Variants in TTN observed in about 807,000 individuals in gnomAD.
TTN encodes connectin.
Under a neutral mutation model 3,223.0 loss-of-function variants are expected in TTN, and 1,525 were observed. That is an observed-to-expected ratio of 0.47 (90% CI 0.45 to 0.49). The LOEUF (loss-of-function observed/expected upper bound fraction) is 0.49. TTN is among the 20% of genes least tolerant of loss of function. The probability of loss-of-function intolerance (pLI) is 0.00; values close to 1 mark genes in which losing one functional copy is unlikely to be tolerated. For missense variants in TTN, 40,786 were observed against 43,424.0 expected (o/e 0.94, Z 5.40); for synonymous variants, 14,094 against 15,161.0 (o/e 0.93, Z 5.17).
In TTN at chr2:178,592,092, C is replaced by T. The variant is rs755204306; in HGVS notation, c.59812G>A (p.Ala19938Thr). 58 of 1,612,832 alleles carry T rather than the reference C, an allele frequency of 3.6e-5. No homozygotes were observed. Among genetic ancestry groups the T allele is most frequent in the East Asian group, 3.6e-4 (16 of 44,622 alleles). ...SATSKKKSHF[A>T]KHLNEGNQYL... The stretch of plus-strand genomic sequence containing the variant: ...TGGTTGCCTTCATTCAGATGCTTAG[C>T]GAAGTGACTCTTTTTCTTTGATGTA... Residue 19938 changes from alanine to threonine, a missense_variant, in exon 302 of 363, where the codon GCT becomes ACT. Ala to Thr is a moderately conservative substitution (Grantham distance 58). Coordinates refer to ENST00000589042, the MANE Select transcript of TTN (RefSeq NM_001267550.2).
chr2:178,617,820 G>A lies in TTN; in HGVS notation c.47531C>T (p.Pro15844Leu), dbSNP rs774050002. ...RAQNRIGVGK[P>L]SAATPFVKVA... ...TTTGACGAAGGGTGTGGCTGCACTT[G>A]GTTTTCCAACTCCAATTCGATTTTG... Residue 15844 changes from proline to leucine, a missense_variant, in exon 253 of 363, where the codon CCA becomes CTA. By Grantham distance (98) the Pro-to-Leu change is moderately conservative (BLOSUM62 -3). Coordinates refer to ENST00000589042, the MANE Select transcript of TTN (RefSeq NM_001267550.2). 1 of 1,612,460 alleles carries A rather than the reference G, an allele frequency of 6.2e-7. No individual in the cohort carries two copies. The highest frequency in any genetic ancestry group is 8.5e-7 in the Non-Finnish European group (1 of 1,179,032).
intron 223 of TTN, 98 bp downstream of exon 223, chr2:178,639,601 T>A: frequency 8.3e-7 from 1 of 1,201,694 alleles, no homozygotes; most frequent in Non-Finnish European, 1.2e-6. Flanking sequence ...ATGATACCTA[T>A]GTTGCAGCAT....
chr2:178,594,076 T>C lies in TTN; in HGVS notation c.58317A>G (p.Pro19439=). Residue 19439 remains proline, a synonymous_variant, in exon 297 of 363, where the codon CCA becomes CCG. Transcript: ENST00000589042. The part of the protein sequence containing the change: ...EDDRTHIKTT[P]ATLALEKIKA... ...TGATCTTCTCTAAAGCAAGTGTTGC[T>C]GGTGTAGTCTTTATATGAGTGCGAT... 1 of 1,613,488 alleles carries C rather than the reference T, an allele frequency of 6.2e-7. No homozygotes were observed. The highest frequency in any genetic ancestry group is 2.2e-5 in the East Asian group (1 of 44,742).
In TTN at chr2:178,629,581, A is replaced by T; in HGVS notation, c.44282-138T>A. The T allele has an allele frequency of 2.4e-6, 3 of 1,274,158 alleles. No individual in the cohort carries two copies. The South Asian group carries it at 4.0e-5, about 17-fold the overall frequency. 78.9% of individuals were successfully genotyped at this position (1,274,158 alleles called of 1,614,324 possible). A position where few individuals can be genotyped will look rare whatever the true frequency, so the allele number is the denominator to read the frequency against. On this transcript the variant is annotated intron_variant, in intron 239 of 362. Transcript: ENST00000589042. ...TGGCCACTATTTTAACTCCCACGTG[A>T]ACGTGGCCCCACGGCGCTGAGAAGG...
In TTN at chr2:178,777,159, G is replaced by A. The variant is rs2092321962; in HGVS notation, c.4804C>T (p.Pro1602Ser). ...TATTTCCATACTTACCTGATTTTGG[G>A]ATATTTATGAGGCACAATGATGTCA... ...NSDIIVPHKY[P>S]KIRIEGTKGE... The change falls in exon 27 of 363, where the codon CCC becomes TCC. Residue 1602 changes from proline to serine, a missense_variant. Coordinates refer to ENST00000589042, the MANE Select transcript of TTN (RefSeq NM_001267550.2). 1.2e-6 allele frequency: 2 copies of A among 1,614,056 alleles called. No individual in the cohort carries two copies. Among genetic ancestry groups the A allele is most frequent in the Non-Finnish European group, 1.7e-6 (2 of 1,179,968 alleles).
Position 178,616,610 on chromosome 2 carries a change from C to A in TTN, c.48181G>T (p.Glu16061Ter). Reference protein sequence around the residue: ...NVIARPSAPKELKFGDITKDS... With the variant: ...NVIARPSAPK Reference sequence around the variant, plus strand: ...TTGGTTATATCACCAAATTTCAATTCTTTGGGTGCACTTGGGCGAGCTGAA... The same window carrying A: ...TTGGTTATATCACCAAATTTCAATTATTTGGGTGCACTTGGGCGAGCTGAA... Residue 16061 changes from glutamate (E) to a stop codon, truncating the protein, a stop_gained, in exon 257 of 363, where the codon GAA becomes TAA. Coordinates refer to ENST00000589042, the MANE Select transcript of TTN (RefSeq NM_001267550.2). LOFTEE classifies it high-confidence loss of function. 1 of 1,612,188 alleles carries A rather than the reference C, an allele frequency of 6.2e-7. No individual in the cohort carries two copies. The highest frequency in any genetic ancestry group is 1.1e-5 in the South Asian group (1 of 91,012).
rs1339678587 is a variant in TTN, at chr2:178,636,743, C to G, written c.40984G>C (p.Gly13662Arg). Residue 13662 changes from glycine (G) to arginine (R), a missense_variant, in exon 225 of 363, where the codon GGA becomes CGA. By Grantham distance (125) the Gly-to-Arg change is moderately radical. Coordinates refer to ENST00000589042, the MANE Select transcript of TTN (RefSeq NM_001267550.2). This position sits in a 1 kb window ranked among gnomAD's most constrained non-coding sequence, Gnocchi z 4.3. ...TCAGGAGGTTTCTCTCCACCACTTC[C>G]TGGCCTTAACTTTCTCCTTTCGGCT... ...IEAERRKLRP[G>R]SGGEKPPDEA... The G allele has an allele frequency of 6.2e-7, 1 of 1,610,426 alleles. No homozygotes were observed. Among genetic ancestry groups the G allele is most frequent in the Non-Finnish European group, 8.5e-7 (1 of 1,177,394 alleles).
In TTN at chr2:178,616,400, CT is replaced by C; in HGVS notation, c.48312+78del. Reference sequence around the variant, plus strand: ...AGGTAAGAAGTTGTAGCACATAAGACTTTTGTATGGCATCCCAACCTTCTGG... The same window carrying C: ...AGGTAAGAAGTTGTAGCACATAAGACTTTGTATGGCATCCCAACCTTCTGG... On this transcript the variant is annotated intron_variant, in intron 257 of 362. Coordinates refer to ENST00000589042, the MANE Select transcript of TTN (RefSeq NM_001267550.2). The C allele has an allele frequency of 1.9e-6, 3 of 1,576,726 alleles. No homozygotes were observed. In the East Asian group the frequency reaches 6.7e-5, roughly 35 times the overall value.
rs760430370 is a variant in TTN at position 178,608,638 on chromosome 2, A to G, written c.52373T>C (p.Val17458Ala). Residue 17458 changes from valine (V) to alanine (A), a missense_variant, in exon 274 of 363, where the codon GTT becomes GCT. Val to Ala is a moderately conservative substitution (Grantham distance 64). Coordinates refer to ENST00000589042, the MANE Select transcript of TTN (RefSeq NM_001267550.2). ...ENRFGPGPPC[V>A]SKPLVAKDPF... The stretch of plus-strand genomic sequence containing the variant: ...ATCTTTAGCCACAAGTGGCTTTGAA[A>G]CACATGGTGGACCTGGCCCAAATCT... 56 of 1,611,484 alleles carry G rather than the reference A, an allele frequency of 3.5e-5. No individual in the cohort carries two copies. Among genetic ancestry groups the G allele is most frequent in the Non-Finnish European group, 4.4e-5 (52 of 1,178,860 alleles).
chr2:178,791,122 GC>G (rs1371713674), intron 10 of TTN, among the ~76,000 whole-genome samples: 3 of 152,178 alleles, frequency 2.0e-5, no homozygotes, highest in Admixed American at 2.0e-4. Flanking sequence ...GTGGGTGGCT[GC>G]TGACAAGTGG....
Position 178,584,722 on chromosome 2 carries a change from A to T in TTN, c.64919T>A (p.Phe21640Tyr), listed in dbSNP as rs1475736042. 4.3e-6 allele frequency: 7 copies of T among 1,613,368 alleles called. No individual in the cohort carries two copies. In the Admixed American group the frequency reaches 1.0e-4, roughly 23 times the overall value. Residue 21640 changes from phenylalanine to tyrosine, a missense_variant, in exon 310 of 363, where the codon TTT becomes TAT. By Grantham distance (22) the Phe-to-Tyr change is conservative. Coordinates refer to ENST00000589042, the MANE Select transcript of TTN (RefSeq NM_001267550.2). ...YIFRVRAENR[F>Y]GISEPLTSPK... ...AGATGTGAGAGGCTCTGAAATGCCA[A>T]ATCGGTTTTCAGCACGGACCCGGAA... is the stretch of plus-strand genomic sequence containing the variant.
Position 178,590,536 on chromosome 2 carries a change from T to C in TTN, c.61189A>G (p.Ser20397Gly). The C allele has an allele frequency of 6.2e-7, 1 of 1,612,924 alleles. No individual in the cohort carries two copies. Among genetic ancestry groups the C allele is most frequent in the Non-Finnish European group, 8.5e-7 (1 of 1,179,336 alleles). Residue 20397 changes from serine to glycine, a missense_variant, in exon 304 of 363, where the codon AGT (serine) becomes GGT (glycine). Coordinates refer to ENST00000589042, the MANE Select transcript of TTN (RefSeq NM_001267550.2). ...TADLVWTKPL[S>G]DGGSPILGYV... ...CCTAGAATGGGGCTACCACCATCAC[T>C]GAGAGGCTTTGTCCACACCAAATCA...
Position 178,562,827 on chromosome 2 carries a change from C to A in TTN, c.83305G>T (p.Ala27769Ser). The A allele has an allele frequency of 6.2e-7, 1 of 1,613,030 alleles. No homozygotes were observed. The highest frequency in any genetic ancestry group is 8.5e-7 in the Non-Finnish European group (1 of 1,179,500). The stretch of plus-strand genomic sequence containing the variant: ...TCTCTTATGGTCAAATTCACAGGGG[C>A]ACTTGGTGAGTCAAGAACTCTGACG... ...VNVRVLDSPS[A>S]PVNLTIREVK... The change falls in exon 326 of 363, where the codon GCC (alanine) becomes TCC (serine). Residue 27769 changes from alanine to serine, a missense_variant. Ala to Ser is a moderately conservative substitution (Grantham distance 99). Transcript: ENST00000589042.
rs981301596 is a variant in TTN at position 178,774,586 on chromosome 2, T to G, written c.6791-113A>C. On this transcript the variant is annotated intron_variant, in intron 29 of 362. Coordinates refer to ENST00000589042, the MANE Select transcript of TTN (RefSeq NM_001267550.2). Reference sequence around the variant, plus strand: ...TATCTCCCCCATACTATCAGGTGTATTCTTAATATCTACCCGCTGATGGGC... The same window carrying G: ...TATCTCCCCCATACTATCAGGTGTAGTCTTAATATCTACCCGCTGATGGGC... 3.1e-5 allele frequency: 30 copies of G among 983,262 alleles called. No homozygotes were observed. The African/African-American group carries it at 3.8e-4, about 12-fold the overall frequency. 60.9% of individuals were successfully genotyped at this position (983,262 alleles called of 1,614,324 possible).
At position 178,557,381 on chromosome 2, in the gene TTN, G is replaced by A; in HGVS notation, c.87881C>T (p.Thr29294Ile). The A allele has an allele frequency of 6.2e-7, 1 of 1,613,950 alleles. No individual in the cohort carries two copies. The highest frequency in any genetic ancestry group is 8.5e-7 in the Non-Finnish European group (1 of 1,179,862). The part of the protein sequence containing the change: ...WQKANKLVIR[T>I]THFKVTTISA... The stretch of plus-strand genomic sequence containing the variant: ...GATTGTTGTGACTTTGAAGTGAGTT[G>A]TGCGGATGACCAGTTTGTTGGCTTT... The change falls in exon 329 of 363, where the codon ACA becomes ATA. Residue 29294 changes from threonine (T) to isoleucine (I), a missense_variant. Transcript: ENST00000589042.
rs2154174995 is a variant in TTN, at chr2:178,578,827, T to A, written c.68203A>T (p.Ile22735Phe). ...GVGEGLKSEPIVARHPFDVPD... is the reference protein window; with the variant it reads ...GVGEGLKSEPFVARHPFDVPD... ...TTACCAAATGGATGTCTCGCAACAA[T>A]TGGCTCCGATTTCAGGCCTTCCCCT... Residue 22735 changes from isoleucine (I) to phenylalanine (F), a missense_variant, in exon 320 of 363, where the codon ATT (isoleucine) becomes TTT (phenylalanine). Transcript: ENST00000589042. 6.2e-7 allele frequency: 1 copy of A among 1,611,430 alleles called. No individual in the cohort carries two copies.
intron 145 of TTN, 87 bp downstream of exon 145, chr2:178,678,038 A>T: frequency 3.2e-6 from 5 of 1,552,818 alleles, no homozygotes; most frequent in South Asian, 1.2e-5. Flanking sequence ...TATCAACATA[A>T]ATACTAAGCA....
chr2:178,784,453 T>A, intron 15 of TTN, 102 bp from the exon 16 acceptor site: 1 of 1,423,470 alleles, frequency 7.0e-7, no homozygotes, highest in Non-Finnish European at 9.6e-7. Flanking sequence ...GTCTGTTCTT[T>A]AATGTTCTCA....
rs1253826145 is a variant in TTN at position 178,590,351 on chromosome 2, T to C, written c.61374A>G (p.Pro20458=). Residue 20458 remains proline, a synonymous_variant, in exon 304 of 363, where the codon CCA becomes CCG. Transcript: ENST00000589042. The part of the protein sequence containing the change: ...KAANIVGEGE[P]RELAESVIAK... The stretch of plus-strand genomic sequence containing the variant: ...CAATCACAGATTCTGCTAGTTCTCT[T>C]GGCTCACCCTCTCCTACAATATTAG... 2 of 1,573,694 alleles carry C rather than the reference T, an allele frequency of 1.3e-6. No homozygotes were observed. The highest frequency in any genetic ancestry group is 8.6e-7 in the Non-Finnish European group (1 of 1,161,276).
Sources: allele counts gnomAD v4.1 joint callset (sites outside exome capture counted in the v4.1 genomes callset), GRCh38; gene constraint gnomAD v4.1.1; non-coding constraint Gnocchi (gnomAD v3.1); transcripts MANE v1.5; gene names NCBI Gene and HGNC (gene_info 2026-07-23, HGNC 2026-07-21).